The following STRA8 variants were observed in gnomAD, a reference collection of about 807,000 sequenced individuals.
STRA8 encodes stimulated by retinoic acid 8, also known as stimulated by retinoic acid gene 8 protein homolog.
In STRA8, 18 loss-of-function variants were observed where a neutral mutation model predicts 37.1. The observed-to-expected ratio is 0.48, with a 90% CI of 0.34 to 0.72. The LOEUF is 0.72. STRA8 is among the 30% of genes least tolerant of loss of function. The pLI, the probability that STRA8 is intolerant of heterozygous loss-of-function variation, is 0.01. For missense variants in STRA8, 357 were observed against 410.4 expected, an observed-to-expected ratio of 0.87 and a Z score of 1.13; for synonymous variants, 168 against 162.9, an observed-to-expected ratio of 1.03 and a Z score of -0.24.
At position 135,251,786 on chromosome 7, in the gene STRA8, T is replaced by C. The variant is rs557288096; in HGVS notation, c.880-10T>C. The C allele has an allele frequency of 2.0e-5, 33 of 1,614,114 alleles. No homozygotes were observed. In the South Asian group the frequency reaches 3.0e-4, roughly 14 times the overall value. ...ATTTCCAACACATGAAGTGTTGTGCTTTCTTTCAGATCCTTTTTGAGGATG... is the reference window on the plus strand; with the variant it reads ...ATTTCCAACACATGAAGTGTTGTGCCTTCTTTCAGATCCTTTTTGAGGATG... On this transcript the variant is annotated splice_polypyrimidine_tract_variant and intron_variant, in intron 6 of 8. Transcript: ENST00000662584.
Position 135,242,869 on chromosome 7 carries a change from T to C in STRA8, c.268+13T>C, listed in dbSNP as rs778850265. On this transcript the variant is annotated intron_variant, in intron 3 of 8. Transcript: ENST00000662584. ...CTGAAGCTGAAAGGTAATGGAGCAC[T>C]ACTTGCCAACCCCATCTCCCTCCCT... The C allele has an allele frequency of 1.9e-6, 3 of 1,613,930 alleles. No individual in the cohort carries two copies. In the South Asian group the frequency reaches 3.3e-5, roughly 18 times the overall value.
At chr7:135,232,202 G>A (rs942640656), upstream of STRA8, among the ~76,000 whole-genome samples, 6 of 151,968 alleles carry the variant, frequency 3.9e-5, no homozygotes, top group Admixed American at 2.6e-4. Context: ...ATCTTGGTGC[G>A]AGGATAAGGC....
At chr7:135,244,458 T>C (rs564774064) in intron 4 of STRA8, among the ~76,000 whole-genome samples, 9 of 152,370 alleles carry the variant, frequency 5.9e-5, no homozygotes, top group African/African-American at 2.2e-4. Context: ...TATATCCTAT[T>C]GTTTCATTCT....
chr7:135,239,349 C>A (rs1832426138), intron 1 of STRA8, among the ~76,000 whole-genome samples: 1 of 152,180 alleles, frequency 6.6e-6, no homozygotes, highest in Admixed American at 6.5e-5. Context: ...AGGGCCTGGG[C>A]ATGTGTATTT....
rs34006697 is a variant in STRA8, at chr7:135,236,266, A to ATATATG, written c.-7+2364_-7+2365insATATGT. Among the ~76,000 whole-genome samples, 332 of 146,244 alleles carry ATATATG rather than the reference A, an allele frequency of 2.3e-3. 7 individuals are homozygous for ATATATG. In the East Asian group the frequency reaches 0.054, roughly 24 times the overall value. On this transcript the variant is annotated intron_variant, in intron 1 of 8. Transcript: ENST00000662584. ...TGAGACCCCATCTTTATATATATAT[A>ATATATG]TGTGTGTGTGTATGTGTGTGTGTGT...
intron 1 of STRA8, among the ~76,000 whole-genome samples, 143 bp downstream of exon 1, chr7:135,234,046 C>T (rs292630): frequency 0.95 from 144,439 of 151,748 alleles, 69,122 homozygotes; most frequent in East Asian, 1. Flanking sequence ...GTATCCGTCA[C>T]TGTGGCTACC....
At chr7:135,258,349 C>G in intron 8 of STRA8, 69 bp from the exon 9 acceptor site, 1 of 1,317,420 alleles carries the variant, frequency 7.6e-7, no homozygotes, top group Non-Finnish European at 1.1e-6. Flanking sequence ...GATGCAGGAG[C>G]CTTCCTATCT....
chr7:135,235,439 A>T, intron 1 of STRA8, among the ~76,000 whole-genome samples: 1 of 138,216 alleles, frequency 7.2e-6, no homozygotes. Flanking sequence ...AATCATGAGC[A>T]TGACTTTTTT....
intron 3 of STRA8, 26 bp from the exon 4 acceptor site, chr7:135,243,300 G>T (rs1585472075): frequency 6.2e-7 from 1 of 1,613,004 alleles, no homozygotes; most frequent in Non-Finnish European, 8.5e-7. Flanking sequence ...TTCTCTTTGT[G>T]TTCCTGGTCT....
chr7:135,257,990 G>A (rs1484392774), intron 8 of STRA8, among the ~76,000 whole-genome samples: 1 of 152,198 alleles, frequency 6.6e-6, no homozygotes, highest in Non-Finnish European at 1.5e-5. Context: ...TTTGCCCTTT[G>A]TAAATAGTGT....
chr7:135,251,381 T>A (rs966481909), intron 6 of STRA8, among the ~76,000 whole-genome samples: 1 of 152,140 alleles, frequency 6.6e-6, no homozygotes, highest in African/African-American at 2.4e-5. Flanking sequence ...ACCCTCTGGA[T>A]TCAGCTGTCC....
chr7:135,248,559 A>C (rs1832597999), intron 6 of STRA8, among the ~76,000 whole-genome samples: 1 of 152,164 alleles, frequency 6.6e-6, no homozygotes, highest in Non-Finnish European at 1.5e-5. Flanking sequence ...AACTAAAAAA[A>C]AATAAAAAGG....
In STRA8 at chr7:135,258,414, G is replaced by A. The variant is rs751734645; in HGVS notation, c.1066-4G>A. 2 of 1,599,204 alleles carry A rather than the reference G, an allele frequency of 1.3e-6. No individual in the cohort carries two copies. Among genetic ancestry groups the A allele is most frequent in the Non-Finnish European group, 1.7e-6 (2 of 1,172,232 alleles). ...GTGACCCTCTTCCACCCTGTGTCTT[G>A]CAGGAAGCATCCTTTCCCGTTGATG... is the stretch of plus-strand genomic sequence containing the variant. On this transcript the variant is annotated splice_region_variant and splice_polypyrimidine_tract_variant and intron_variant, in intron 8 of 8. Coordinates refer to ENST00000662584, the MANE Select transcript of STRA8 (RefSeq NM_001394401.1).
chr7:135,257,103 G>A (rs1437969425), intron 8 of STRA8, among the ~76,000 whole-genome samples: 1 of 152,206 alleles, frequency 6.6e-6, no homozygotes, highest in African/African-American at 2.4e-5. Flanking sequence ...CCTATCAGGA[G>A]AGCATGGTGA....
At chr7:135,241,371 C>A (rs2117794401) in intron 2 of STRA8, among the ~76,000 whole-genome samples, 1 of 152,266 alleles carries the variant, frequency 6.6e-6, no homozygotes, top group Non-Finnish European at 1.5e-5. Flanking sequence ...CACTGTGACT[C>A]CAGCCCCCTC....
intron 8 of STRA8, 83 bp from the exon 9 acceptor site, chr7:135,258,335 C>A (rs11979453): frequency 3.5e-6 from 4 of 1,156,526 alleles, no homozygotes; most frequent in African/African-American, 1.5e-5. Context: ...CTGGGCACAC[C>A]GGAGATGCAG....
In STRA8 at chr7:135,238,754, T is replaced by C. The variant is rs17168326; in HGVS notation, c.-6-1765T>C. On this transcript the variant is annotated intron_variant, in intron 1 of 8. Transcript: ENST00000662584. ...CTGTTCAAAAGGTTCTCATTTTCCC[T>C]GGGCAGTTCAAAATCTTCACAGTTT... is the stretch of plus-strand genomic sequence containing the variant. Among the ~76,000 whole-genome samples the C allele has an allele frequency of 0.013, 2,002 of 152,356 alleles. 139 individuals carry two copies. The East Asian group carries it at 0.21, about 16-fold the overall frequency.
At chr7:135,248,871 C>G (rs765574698) in intron 6 of STRA8, among the ~76,000 whole-genome samples, 4 of 152,200 alleles carry the variant, frequency 2.6e-5, no homozygotes, top group African/African-American at 4.8e-5. Context: ...CCCCGACCCC[C>G]GAACATGGGT....
chr7:135,232,112 CAG>C, upstream of STRA8: 2 of 1,304,734 alleles, frequency 1.5e-6, no homozygotes, highest in Non-Finnish European at 2.2e-6. Flanking sequence ...GTGTGTGTGG[CAG>C]TGGTTGGGGC....
Sources: gnomAD v4.1 joint callset for allele counts (sites outside exome capture counted in the v4.1 genomes callset) on GRCh38, gnomAD v4.1.1 for gene constraint, MANE v1.5 for transcripts, NCBI Gene and HGNC (gene_info 2026-07-23, HGNC 2026-07-21) for gene names.